Variants in CTNND2 observed in about 807,000 individuals in gnomAD.
The protein encoded by CTNND2 is catenin delta 2.
In CTNND2, 22 loss-of-function variants were observed where a neutral mutation model predicts 144.4. The observed-to-expected ratio is 0.15, with a 90% confidence interval of 0.11 to 0.22. CTNND2 has a LOEUF of 0.22. Ranked by LOEUF, CTNND2 falls within the 10% of genes least tolerant of loss-of-function variation. The pLI is 1.00. For missense variants in CTNND2, 1,353 were observed against 1,618.8 expected, an observed-to-expected ratio of 0.84 and a Z score of 2.82; for synonymous variants, 751 against 695.6, an observed-to-expected ratio of 1.08 and a Z score of -1.25.
intron 3 of CTNND2, among the ~76,000 whole-genome samples, chr5:11,563,334 G>A (rs911815402): frequency 1.3e-5 from 2 of 152,184 alleles, no homozygotes; most frequent in Non-Finnish European, 2.9e-5. Flanking sequence ...TGGTGCATAT[G>A]GACCTATAAA....
chr5:11,069,186 G>C (rs1429498545), intron 16 of CTNND2, among the ~76,000 whole-genome samples: 1 of 152,228 alleles, frequency 6.6e-6, no homozygotes, highest in Non-Finnish European at 1.5e-5. Flanking sequence ...GTTAGAGGAG[G>C]AGATGACACT....
At chr5:11,430,248 CA>C (rs1307787997) in intron 3 of CTNND2, among the ~76,000 whole-genome samples, 7,645 of 38,548 alleles carry the variant, frequency 0.2, 138 homozygotes, top group African/African-American at 0.38. Context: ...GACTCCGTCT[CA>C]AAAAAAAAAA....
intron 2 of CTNND2, among the ~76,000 whole-genome samples, chr5:11,728,368 C>T (rs1195888669): frequency 6.6e-6 from 1 of 151,526 alleles, no homozygotes; most frequent in Non-Finnish European, 1.5e-5. Context: ...ATTCAGGAGG[C>T]TGGGGCAGGA....
chr5:11,331,121 A>G (rs919226656), intron 9 of CTNND2, among the ~76,000 whole-genome samples: 1 of 152,194 alleles, frequency 6.6e-6, no homozygotes, highest in Non-Finnish European at 1.5e-5. Context: ...TGCAGCATAG[A>G]TGTTAATTGC....
At chr5:11,110,785 A>G (rs1011179478) in intron 14 of CTNND2, 73 bp downstream of exon 14, 5 of 1,403,018 alleles carry the variant, frequency 3.6e-6, no homozygotes, top group African/African-American at 2.8e-5. Context: ...CTCATTCTCT[A>G]TATATTGAGG....
chr5:11,046,050 G>A (rs762199400), intron 16 of CTNND2, among the ~76,000 whole-genome samples: 51 of 152,088 alleles, frequency 3.4e-4, no homozygotes, highest in Non-Finnish European at 4.7e-4. Flanking sequence ...GTGGGATGGG[G>A]TGGAAACGGG....
Position 11,384,671 on chromosome 5 carries a change from G to A in CTNND2, c.1171C>T (p.Leu391=). Residue 391 remains leucine (L), a synonymous_variant, in exon 7 of 22, where the codon CTG becomes TTG. Transcript: ENST00000304623. The surrounding 1 kb of genome is among the most constrained non-coding windows in gnomAD (Gnocchi z 5.2). ...ATATLQRPGS[L]AAGSRASYSS... ...GGTGGCAGCGAGCCTTTACCTGCCA[G>A]GCTGCCCGGCCTCTGGAGGGTGGCC... The A allele has an allele frequency of 6.2e-7, 1 of 1,601,162 alleles. No homozygotes were observed. The highest frequency in any genetic ancestry group is 8.5e-7 in the Non-Finnish European group (1 of 1,177,752).
chr5:11,549,798 C>T (rs571784061), intron 3 of CTNND2, among the ~76,000 whole-genome samples: 6 of 152,156 alleles, frequency 3.9e-5, no homozygotes, highest in African/African-American at 1.4e-4. Context: ...TTTCATGTAT[C>T]ACAGCTATGT....
rs374384968 is a variant in CTNND2 at position 11,529,159 on chromosome 5, G to C, written c.287+35785C>G. ...AAGGGTTGCTTGCCACTGACCAAAA[G>C]GAAACTGAAATGAAGTCTTGATCAA... On this transcript the variant is annotated intron_variant, in intron 3 of 21. Transcript: ENST00000304623. 2.0e-5 allele frequency among the ~76,000 whole-genome samples: 3 copies of C among 152,236 alleles called. No individual in the cohort carries two copies. In the East Asian group the frequency reaches 5.8e-4, roughly 29 times the overall value.
intron 2 of CTNND2, among the ~76,000 whole-genome samples, chr5:11,711,255 C>T (rs189833516): frequency 6.6e-6 from 1 of 152,004 alleles, no homozygotes; most frequent in East Asian, 1.9e-4. Flanking sequence ...GGGGTTTCAC[C>T]ATGTCGGCCG....
intron 14 of CTNND2, among the ~76,000 whole-genome samples, chr5:11,103,639 C>T (rs1269939144): frequency 6.6e-6 from 1 of 151,860 alleles, no homozygotes; most frequent in African/African-American, 2.4e-5. Context: ...CATTGCACTC[C>T]AGCCTGTGTG....
intron 9 of CTNND2, among the ~76,000 whole-genome samples, chr5:11,246,513 A>G (rs1393647642): frequency 2.6e-5 from 4 of 152,018 alleles, no homozygotes; most frequent in African/African-American, 9.7e-5. Flanking sequence ...CAGAAGCGAG[A>G]AGAGGGGCAG....
At chr5:11,751,838 A>G (rs1788639797) in intron 1 of CTNND2, among the ~76,000 whole-genome samples, 2 of 151,882 alleles carry the variant, frequency 1.3e-5, no homozygotes, top group Non-Finnish European at 2.9e-5. Flanking sequence ...CAAGCAGTGT[A>G]TAACATTCCT....
At position 11,285,112 on chromosome 5, in the gene CTNND2, A is replaced by C. The variant is rs186539805; in HGVS notation, c.1629-48289T>G. On this transcript the variant is annotated intron_variant, in intron 9 of 21. Transcript: ENST00000304623. ...CACCTTTGATATCTGATTCCCCTTA[A>C]TGTCTGATCAAGTTCCTCATCCTTC... 3.5e-3 allele frequency among the ~76,000 whole-genome samples: 529 copies of C among 152,188 alleles called. 4 individuals are homozygous for C. The highest frequency in any genetic ancestry group is 0.012 in the African/African-American group (508 of 41,536).
chr5:11,890,979 C>A (rs1736911585), intron 1 of CTNND2, among the ~76,000 whole-genome samples: 1 of 152,132 alleles, frequency 6.6e-6, no homozygotes, highest in South Asian at 2.1e-4. Flanking sequence ...CCTAGGACGG[C>A]TGTAGGAATG....
chr5:11,546,307 A>G (rs1775230350), intron 3 of CTNND2, among the ~76,000 whole-genome samples: 1 of 152,116 alleles, frequency 6.6e-6, no homozygotes, highest in Non-Finnish European at 1.5e-5. Flanking sequence ...TTCTAAAAAA[A>G]GCCCTGCAGC....
chr5:11,485,378 C>T (rs530900818), intron 3 of CTNND2, among the ~76,000 whole-genome samples: 40,775 of 94,118 alleles, frequency 0.43, 7,937 homozygotes, highest in African/African-American at 0.62. Context: ...TGTGTGTGCG[C>T]GCGCGCGCGT....
At chr5:11,241,046 GCACACACAC>G (rs1241026424) in intron 9 of CTNND2, among the ~76,000 whole-genome samples, 3 of 130,054 alleles carry the variant, frequency 2.3e-5, no homozygotes, top group Admixed American at 1.5e-4. Flanking sequence ...CAACACACAT[GCACACACAC>G]CACACACACC....
intron 5 of CTNND2, among the ~76,000 whole-genome samples, chr5:11,397,748 C>T (rs977438478): frequency 6.6e-6 from 1 of 152,158 alleles, no homozygotes; most frequent in Non-Finnish European, 1.5e-5. Flanking sequence ...TCACCGTCGC[C>T]TCACATAATC....
Sources: allele counts gnomAD v4.1 joint callset (sites outside exome capture counted in the v4.1 genomes callset), GRCh38; gene constraint gnomAD v4.1.1; non-coding constraint Gnocchi (gnomAD v3.1); transcripts MANE v1.5; gene names NCBI Gene and HGNC (gene_info 2026-07-23, HGNC 2026-07-21).